The following UST variants were observed in gnomAD, a reference collection of about 807,000 sequenced individuals.
UST encodes chondroitin sulfate 2-O-sulfotransferase.
UST carries 21 observed loss-of-function variants against 45.6 expected under a neutral mutation model. That is an observed-to-expected ratio of 0.46 (90% CI 0.33 to 0.66). UST has a LOEUF of 0.66. UST is among the 30% of genes least tolerant of loss of function. The pLI, the probability that UST is intolerant of heterozygous loss-of-function variation, is 0.02. For missense variants in UST, 463 were observed against 512.4 expected (o/e 0.90, Z 0.93); for synonymous variants, 215 against 200.6 (o/e 1.07, Z -0.61).
intron 1 of UST, among the ~76,000 whole-genome samples, chr6:148,761,802 A>AACC (rs371614902): frequency 2.0e-5 from 3 of 152,242 alleles, no homozygotes; most frequent in African/African-American, 7.2e-5. Context: ...ATGTTGATAT[A>AACC]ACCCCCGAGT....
chr6:148,756,448 G>A (rs1469395016), intron 1 of UST, among the ~76,000 whole-genome samples: 1 of 152,120 alleles, frequency 6.6e-6, no homozygotes, highest in East Asian at 1.9e-4. Flanking sequence ...AAATTACCAG[G>A]GAACCAGATA....
intron 1 of UST, among the ~76,000 whole-genome samples, chr6:148,794,609 C>T (rs1467876396): frequency 6.6e-6 from 1 of 152,188 alleles, no homozygotes; most frequent in Non-Finnish European, 1.5e-5. Flanking sequence ...CCAGCAATCC[C>T]TACTGCCAGA....
intron 2 of UST, among the ~76,000 whole-genome samples, chr6:148,897,236 C>T (rs779312798): frequency 6.6e-6 from 1 of 151,898 alleles, no homozygotes; most frequent in Non-Finnish European, 1.5e-5. Flanking sequence ...GGTATGATCT[C>T]GGCTCACTGC....
chr6:148,926,559 C>A (rs1215797949), intron 2 of UST, among the ~76,000 whole-genome samples: 1 of 152,192 alleles, frequency 6.6e-6, no homozygotes, highest in Non-Finnish European at 1.5e-5. Flanking sequence ...CTTCTTGCCT[C>A]ATGGTCACAG....
chr6:148,848,871 C>G (rs1346787217), intron 1 of UST, among the ~76,000 whole-genome samples: 1 of 152,032 alleles, frequency 6.6e-6, no homozygotes, highest in Non-Finnish European at 1.5e-5. Context: ...TAGTGTGGCT[C>G]AGTCCAAGTC....
intron 2 of UST, among the ~76,000 whole-genome samples, chr6:148,931,318 C>G (rs953173919): frequency 1.3e-5 from 2 of 152,222 alleles, no homozygotes; most frequent in African/African-American, 4.8e-5. Flanking sequence ...AGCTTTAGAG[C>G]AGACTCTTAA....
intron 1 of UST, among the ~76,000 whole-genome samples, chr6:148,780,222 GGAA>G (rs1164542502): frequency 6.6e-6 from 1 of 151,952 alleles, no homozygotes; most frequent in Admixed American, 6.6e-5. Flanking sequence ...AATAGTAAAT[GGAA>G]GATTCGTGGC....
intron 2 of UST, among the ~76,000 whole-genome samples, chr6:148,939,080 T>C (rs1405084602): frequency 2.6e-5 from 4 of 151,924 alleles, no homozygotes; most frequent in African/African-American, 9.7e-5. Context: ...TACCAATCAG[T>C]CCAAAATGAA....
intron 1 of UST, among the ~76,000 whole-genome samples, chr6:148,807,389 G>C (rs1443902467): frequency 3.9e-5 from 6 of 152,202 alleles, no homozygotes; most frequent in African/African-American, 1.4e-4. Flanking sequence ...CTGTGGGTTA[G>C]TGGTTTCAAT....
In UST at chr6:149,028,185, A is replaced by T. The variant is rs76330045; in HGVS notation, c.937+6704A>T. 1.0e-2 allele frequency among the ~76,000 whole-genome samples: 1,519 copies of T among 152,304 alleles called. 30 individuals are homozygous for T. The highest frequency in any genetic ancestry group is 0.034 in the African/African-American group (1,393 of 41,546). Reference sequence around the variant, plus strand: ...TTAGAGCACAGGCTCTGAGATAGATAGCCCGCATGCTAGACCCCCTCCTCC... The same window carrying T: ...TTAGAGCACAGGCTCTGAGATAGATTGCCCGCATGCTAGACCCCCTCCTCC... On this transcript the variant is annotated intron_variant, in intron 7 of 7. Coordinates refer to ENST00000367463, the MANE Select transcript of UST (RefSeq NM_005715.3).
intron 2 of UST, among the ~76,000 whole-genome samples, chr6:148,933,747 G>A (rs1389202124): frequency 6.6e-6 from 1 of 152,198 alleles, no homozygotes; most frequent in Admixed American, 6.5e-5. Context: ...TCACTGCCGA[G>A]TTCTGGGAGG....
intron 7 of UST, among the ~76,000 whole-genome samples, chr6:149,041,836 TA>T (rs1776318998): frequency 6.6e-6 from 1 of 152,164 alleles, no homozygotes. Context: ...CGTCCTCTCC[TA>T]AAACTCGACT....
chr6:148,814,516 A>G (rs549420644), intron 1 of UST, among the ~76,000 whole-genome samples: 38 of 152,246 alleles, frequency 2.5e-4, no homozygotes, highest in African/African-American at 8.9e-4. Context: ...CCTTTGAGCA[A>G]GAAATTCTTG....
chr6:148,951,010 T>C (rs1229959520), intron 3 of UST, among the ~76,000 whole-genome samples: 2 of 152,220 alleles, frequency 1.3e-5, no homozygotes, highest in African/African-American at 2.4e-5. Flanking sequence ...GAAGAGTGGT[T>C]AGTATTTAGA....
chr6:148,999,029 G>C (rs560043457), intron 5 of UST, among the ~76,000 whole-genome samples: 1 of 152,188 alleles, frequency 6.6e-6, no homozygotes, highest in Non-Finnish European at 1.5e-5. Flanking sequence ...AGTGGAGCCC[G>C]CATCTGGAAT....
chr6:148,802,734 CAA>C (rs1256696478), intron 1 of UST, among the ~76,000 whole-genome samples: 5 of 152,240 alleles, frequency 3.3e-5, no homozygotes, highest in African/African-American at 1.2e-4. Context: ...TGAAGAAATT[CAA>C]AGAGACCAAG....
chr6:148,998,796 T>C (rs965299552), intron 5 of UST, among the ~76,000 whole-genome samples: 2 of 152,338 alleles, frequency 1.3e-5, no homozygotes, highest in East Asian at 3.9e-4. Flanking sequence ...CGCAGCCCCT[T>C]ATAGGCCGAG....
chr6:148,988,046 G>A (rs527659851), intron 5 of UST, among the ~76,000 whole-genome samples: 3 of 152,112 alleles, frequency 2.0e-5, no homozygotes, highest in South Asian at 2.1e-4. Context: ...TGGGGAGCTC[G>A]TGTCTGTGAG....
chr6:148,749,774 T>C (rs1775953101), intron 1 of UST, among the ~76,000 whole-genome samples: 1 of 152,258 alleles, frequency 6.6e-6, no homozygotes, highest in South Asian at 2.1e-4. Flanking sequence ...TCTCAGCTTC[T>C]GCTCAGGAAA....
Sources: gnomAD v4.1 joint callset for allele counts (sites outside exome capture counted in the v4.1 genomes callset) on GRCh38, gnomAD v4.1.1 for gene constraint, MANE v1.5 for transcripts, NCBI Gene and HGNC (gene_info 2026-07-23, HGNC 2026-07-21) for gene names.